The following TBC1D22B variants were observed in gnomAD, a reference collection of about 807,000 sequenced individuals.
TBC1D22B encodes TBC1 domain family member 22B.
A neutral mutation model predicts 69.1 loss-of-function variants in TBC1D22B; 32 were observed. The observed-to-expected ratio is 0.46, with a 90% CI of 0.35 to 0.62. TBC1D22B has a LOEUF of 0.62. Ranked by LOEUF, TBC1D22B falls within the 20% of genes least tolerant of loss-of-function variation. The pLI, the probability that TBC1D22B is intolerant of heterozygous loss-of-function variation, is 0.00. For missense variants in TBC1D22B, 462 were observed against 630.9 expected, an observed-to-expected ratio of 0.73 and a Z score of 2.87; for synonymous variants, 206 against 229.8, an observed-to-expected ratio of 0.90 and a Z score of 0.94.
chr6:37,263,438 T>C (rs572125268), intron 1 of TBC1D22B, among the ~76,000 whole-genome samples: 108 of 152,388 alleles, frequency 7.1e-4, no homozygotes, highest in African/African-American at 2.3e-3. Context: ...GTGTTGTTTA[T>C]GGATCTGTGA....
intron 8 of TBC1D22B, among the ~76,000 whole-genome samples, chr6:37,293,033 T>G (rs1319523398): frequency 6.6e-6 from 1 of 152,124 alleles, no homozygotes; most frequent in Non-Finnish European, 1.5e-5. Flanking sequence ...TGTCACATTC[T>G]GATAATTCTC....
chr6:37,282,332 G>A lies in TBC1D22B; in HGVS notation c.569G>A (p.Arg190His), dbSNP rs778671599. The A allele has an allele frequency of 2.0e-5, 33 of 1,612,076 alleles. No homozygotes were observed. Among genetic ancestry groups the A allele is most frequent in the African/African-American group, 1.1e-4 (8 of 74,862 alleles). The change falls in exon 4 of 13, where the codon CGT (arginine) becomes CAT (histidine). Residue 190 changes from arginine (R) to histidine (H), a missense_variant. Coordinates refer to ENST00000373491, the MANE Select transcript of TBC1D22B (RefSeq NM_017772.4). ...GAGAAAACCCGCCTAGAAAAATTCC[G>A]TCAACTTCTCTCCAGCCAGAACACT... Reference protein sequence around the residue: ...VREKTRLEKFRQLLSSQNTDL... With the variant: ...VREKTRLEKFHQLLSSQNTDL...
intron 6 of TBC1D22B, 76 bp downstream of exon 6, chr6:37,284,540 T>TA: frequency 6.9e-7 from 1 of 1,448,118 alleles, no homozygotes; most frequent in African/African-American, 1.4e-5. Context: ...GCTCTCAGGG[T>TA]ACAGGCTTTC....
chr6:37,330,222 C>CTTTTTTTTTTTTT (rs67372032), intron 12 of TBC1D22B, among the ~76,000 whole-genome samples: 6 of 75,582 alleles, frequency 7.9e-5, no homozygotes, highest in Admixed American at 3.4e-4. Context: ...TTGTCCGTTT[C>CTTTTTTTTTTTTT]TTTTTTTTTT....
intron 12 of TBC1D22B, among the ~76,000 whole-genome samples, chr6:37,325,909 A>T (rs1331314349): frequency 6.6e-6 from 1 of 152,148 alleles, no homozygotes; most frequent in African/African-American, 2.4e-5. Context: ...AGAGGTGGGG[A>T]TGTTGCAGTT....
intron 8 of TBC1D22B, among the ~76,000 whole-genome samples, chr6:37,298,614 C>T (rs1200769819): frequency 2.9e-5 from 4 of 135,596 alleles, no homozygotes; most frequent in African/African-American, 8.4e-5. Context: ...GGCGCGATCT[C>T]GGCTCACTGC....
At chr6:37,273,203 A>G (rs1162537342) in intron 2 of TBC1D22B, among the ~76,000 whole-genome samples, 2 of 150,888 alleles carry the variant, frequency 1.3e-5, no homozygotes, top group Non-Finnish European at 2.9e-5. Flanking sequence ...AAAAAAAAAA[A>G]AACGAGAATA....
At chr6:37,314,796 GTA>G (rs1768029189) in intron 10 of TBC1D22B, among the ~76,000 whole-genome samples, 2 of 122,090 alleles carry the variant, frequency 1.6e-5, no homozygotes, top group South Asian at 5.2e-4. Context: ...CCCCAACATT[GTA>G]TATCTTTCTC....
At chr6:37,303,766 C>A (rs893338786) in intron 8 of TBC1D22B, among the ~76,000 whole-genome samples, 7 of 152,194 alleles carry the variant, frequency 4.6e-5, no homozygotes, top group Non-Finnish European at 5.9e-5. Flanking sequence ...CTGAGCTAAT[C>A]TTTGTGCACC....
intron 12 of TBC1D22B, among the ~76,000 whole-genome samples, chr6:37,327,715 C>T (rs1021984788): frequency 8.5e-5 from 13 of 152,114 alleles, no homozygotes; most frequent in Admixed American, 7.8e-4. Flanking sequence ...GGTTGAATAA[C>T]TGGTCTGGTT....
At chr6:37,282,036 C>T (rs758888918) in intron 3 of TBC1D22B, 149 bp from the exon 4 acceptor site, 352 of 828,252 alleles carry the variant, frequency 4.2e-4, no homozygotes, top group Non-Finnish European at 4.3e-4. Flanking sequence ...TCTGGCCCCT[C>T]GCTGCCCTTC....
chr6:37,291,320 C>G lies in TBC1D22B; in HGVS notation c.945C>G (p.Val315=), dbSNP rs764946867. ...ATGTCCAGGGAATTAATGACCTGGT[C>G]ACTCCATTCTTTGTCGTCTTCCTCT... is the stretch of plus-strand genomic sequence containing the variant. ...SGYVQGINDL[V]TPFFVVFLSE... is the part of the protein sequence containing the mutation. The change falls in exon 8 of 13, where the codon GTC becomes GTG. Residue 315 remains valine (V), a synonymous_variant. Transcript: ENST00000373491. 3.7e-6 allele frequency: 6 copies of G among 1,613,478 alleles called. No individual in the cohort carries two copies. The highest frequency in any genetic ancestry group is 5.1e-6 in the Non-Finnish European group (6 of 1,179,772).
chr6:37,297,503 G>A (rs1562055373), intron 8 of TBC1D22B, among the ~76,000 whole-genome samples: 1 of 152,294 alleles, frequency 6.6e-6, no homozygotes, highest in East Asian at 1.9e-4. Context: ...AGATTCAGGG[G>A]TCTAATGAGC....
At chr6:37,283,005 C>G (rs1290516836) in intron 5 of TBC1D22B, 53 bp downstream of exon 5, 1 of 1,527,198 alleles carries the variant, frequency 6.5e-7, no homozygotes, top group East Asian at 2.3e-5. Flanking sequence ...GCCCTTCTTG[C>G]CTGATGAGGT....
intron 4 of TBC1D22B, 116 bp downstream of exon 4, chr6:37,282,480 T>A: frequency 1.6e-6 from 2 of 1,220,596 alleles, no homozygotes; most frequent in Non-Finnish European, 2.2e-6. Context: ...TCTCCTGACC[T>A]GGTGCCCATT....
At chr6:37,261,142 A>G (rs1257667509) in intron 1 of TBC1D22B, among the ~76,000 whole-genome samples, 1 of 152,150 alleles carries the variant, frequency 6.6e-6, no homozygotes, top group Admixed American at 6.5e-5. Flanking sequence ...GGCAATCTCT[A>G]CCATTGCAGG....
intron 10 of TBC1D22B, 37 bp from the exon 11 acceptor site, chr6:37,316,666 C>G (rs775797679): frequency 1.2e-4 from 194 of 1,613,506 alleles, no homozygotes; most frequent in Non-Finnish European, 1.6e-4. Context: ...AGGGTCCAGT[C>G]CCCTAGGTTG....
At chr6:37,319,373 A>C (rs1295868562) in intron 12 of TBC1D22B, among the ~76,000 whole-genome samples, 1 of 152,212 alleles carries the variant, frequency 6.6e-6, no homozygotes, top group Non-Finnish European at 1.5e-5. Flanking sequence ...TTTAGTTATC[A>C]TGAGCCAGGC....
At chr6:37,331,004 A>G (rs567330362) in intron 12 of TBC1D22B, 40 bp from the exon 13 acceptor site, 10 of 1,611,424 alleles carry the variant, frequency 6.2e-6, no homozygotes, top group African/African-American at 4.0e-5. Context: ...CTGATGGTCT[A>G]CGGTCTGGTA....
Sources: gnomAD v4.1 joint callset for allele counts (sites outside exome capture counted in the v4.1 genomes callset) on GRCh38, gnomAD v4.1.1 for gene constraint, MANE v1.5 for transcripts, NCBI Gene and HGNC (gene_info 2026-07-23, HGNC 2026-07-21) for gene names.